The following BCL3 variants were observed in gnomAD, a reference collection of about 807,000 sequenced individuals.
The protein encoded by BCL3 is BCL3 transcription coactivator.
Under a neutral mutation model 35.7 loss-of-function variants are expected in BCL3, and 15 were observed. That is an observed-to-expected ratio of 0.42 (90% CI 0.28 to 0.65). BCL3 has a LOEUF of 0.65. Ranked by LOEUF, BCL3 falls within the 30% of genes least tolerant of loss-of-function variation. The pLI, the probability that BCL3 is intolerant of heterozygous loss-of-function variation, is 0.22. For missense variants in BCL3, 565 were observed against 641.7 expected (o/e 0.88, Z 1.29); for synonymous variants, 311 against 284.3 (o/e 1.09, Z -0.95).
chr19:44,749,056 C>A lies in BCL3; in HGVS notation c.256+10C>A. 1 of 1,303,764 alleles carries A rather than the reference C, an allele frequency of 7.7e-7. No homozygotes were observed. The allele number at this position is 1,303,764 out of a possible 1,614,324, so 80.8% of individuals were successfully genotyped here. A position where few individuals can be genotyped will look rare whatever the true frequency, so the allele number is the denominator to read the frequency against. ...GCGCTTTACTACCCCGGTGAGTGGC[C>A]CCCGAGGGTCCGGGCCGGGTGGGAT... On this transcript the variant is annotated intron_variant, in intron 1 of 8. Coordinates refer to ENST00000164227, the MANE Select transcript of BCL3 (RefSeq NM_005178.5).
rs1967349853 is a variant in BCL3, at chr19:44,758,708, G to A, written c.1060-16G>A. The A allele has an allele frequency of 1.9e-6, 3 of 1,577,628 alleles. No homozygotes were observed. Among genetic ancestry groups the A allele is most frequent in the Non-Finnish European group, 2.6e-6 (3 of 1,161,070 alleles). ...GAGGCATGGGTGGCTCTATGGTCAC[G>A]CCCATCTTCCTACAGGTCATCGACA... is the stretch of plus-strand genomic sequence containing the variant. On this transcript the variant is annotated splice_polypyrimidine_tract_variant and intron_variant, in intron 7 of 8. Transcript: ENST00000164227.
chr19:44,750,289 G>GTTTGTTTGTT (rs1555776144), intron 1 of BCL3, among the ~76,000 whole-genome samples: 1 of 151,768 alleles, frequency 6.6e-6, no homozygotes, highest in Non-Finnish European at 1.5e-5. Context: ...CCTCGCCTTT[G>GTTTGTTTGTT]TTTGTTTTTG....
intron 3 of BCL3, among the ~76,000 whole-genome samples, 176 bp downstream of exon 3, chr19:44,756,516 G>T (rs1192989323): frequency 1.1e-4 from 16 of 149,544 alleles, no homozygotes; most frequent in African/African-American, 4.0e-4. Context: ...AGGGCTGCGG[G>T]CCTGGGATCC....
At position 44,757,227 on chromosome 19, in the gene BCL3, C is replaced by A; in HGVS notation, c.724+6C>A. 6.5e-7 allele frequency: 1 copy of A among 1,549,506 alleles called. No homozygotes were observed. Among genetic ancestry groups the A allele is most frequent in the Non-Finnish European group, 8.8e-7 (1 of 1,142,822 alleles). ...GGAGGCCCGCAATTATGACGGTAAG[C>A]ATTTACCGCGGGGCACCGCTGGGCT... On this transcript the variant is annotated splice_donor_region_variant and intron_variant, in intron 4 of 8. Transcript: ENST00000164227. This position sits in a 1 kb window ranked among gnomAD's most constrained non-coding sequence, Gnocchi z 8.4.
At chr19:44,758,584 CA>C in intron 7 of BCL3, 139 bp from the exon 8 acceptor site, 1 of 1,257,754 alleles carries the variant, frequency 8.0e-7, no homozygotes, top group South Asian at 1.4e-5. Flanking sequence ...GAGAGACTGG[CA>C]CCAAGAAAAA....
chr19:44,756,529 G>C (rs898497009), intron 3 of BCL3, among the ~76,000 whole-genome samples, 189 bp downstream of exon 3: 13 of 148,180 alleles, frequency 8.8e-5, no homozygotes, highest in Non-Finnish European at 1.5e-4. Context: ...TGGGATCCGG[G>C]GTCTGATGGA....
At chr19:44,747,863 C>A, upstream of BCL3, 2 of 1,147,258 alleles carry the variant, frequency 1.7e-6, no homozygotes, top group Non-Finnish European at 2.2e-6. Context: ...CACCCCGGTG[C>A]CCCGCGGGCC....
chr19:44,758,828 C>T lies in BCL3; in HGVS notation c.1164C>T (p.Arg388=), dbSNP rs1482717084. 5 of 1,599,414 alleles carry T rather than the reference C, an allele frequency of 3.1e-6. No homozygotes were observed. The highest frequency in any genetic ancestry group is 4.3e-6 in the Non-Finnish European group (5 of 1,174,194). The change falls in exon 8 of 9, where the codon CGC becomes CGT. Residue 388 remains arginine (R), a synonymous_variant. Coordinates refer to ENST00000164227, the MANE Select transcript of BCL3 (RefSeq NM_005178.5). The part of the protein sequence containing the change: ...SANTSPESSS[R]LSSNGLLSAS... ...ACACCTCCCCCGAGAGCAGCAGCCG[C>T]CTCAGCTCCAATGGTGAGAAACCGT...
intron 2 of BCL3, among the ~76,000 whole-genome samples, chr19:44,754,705 G>A (rs1568544564): frequency 6.6e-6 from 1 of 152,184 alleles, no homozygotes; most frequent in Non-Finnish European, 1.5e-5. Context: ...AGAGAAGGGG[G>A]GACCCTTCCC....
chr19:44,749,445 C>G (rs1455141067), intron 1 of BCL3, among the ~76,000 whole-genome samples: 1 of 143,340 alleles, frequency 7.0e-6, no homozygotes, highest in Non-Finnish European at 1.6e-5. Flanking sequence ...AACTGGGGTT[C>G]CCTGTATCCT....
chr19:44,756,691 C>T (rs1322615002), intron 3 of BCL3, among the ~76,000 whole-genome samples: 2 of 151,198 alleles, frequency 1.3e-5, no homozygotes, highest in African/African-American at 2.4e-5. Context: ...GCTCCAGGCT[C>T]CTGGTTCCTG....
At chr19:44,758,459 G>T in intron 7 of BCL3, 46 bp downstream of exon 7, 2 of 1,513,864 alleles carry the variant, frequency 1.3e-6, no homozygotes, top group Non-Finnish European at 1.8e-6. Flanking sequence ...ACGTGTGTCC[G>T]CGGGCTGGTT....
chr19:44,749,512 A>G (rs747377430), intron 1 of BCL3, among the ~76,000 whole-genome samples: 1 of 152,114 alleles, frequency 6.6e-6, no homozygotes, highest in Non-Finnish European at 1.5e-5. Flanking sequence ...CTAAGGAGAC[A>G]GATACTGAGG....
In BCL3 at chr19:44,749,041, A is replaced by G; in HGVS notation, c.251A>G (p.Tyr84Cys). ...CTGGCCCGGCCGGAGGCGCTTTACT[A>G]CCCCGGTGAGTGGCCCCCGAGGGTC... ...HGLARPEALY[Y>C]PGALLPLYPT... Residue 84 changes from tyrosine to cysteine, a missense_variant, in exon 1 of 9, where the codon TAC becomes TGC. Tyr to Cys is a radical substitution (Grantham distance 194). This residue lies in a region of BCL3 where 267 missense variants were observed against 281.5 expected (regional missense o/e 0.95). Transcript: ENST00000164227. 1 of 1,338,458 alleles carries G rather than the reference A, an allele frequency of 7.5e-7. No individual in the cohort carries two copies. The highest frequency in any genetic ancestry group is 9.5e-7 in the Non-Finnish European group (1 of 1,047,382). The allele number at this position is 1,338,458 out of a possible 1,614,324, so 82.9% of individuals were successfully genotyped here.
chr19:44,756,297 A>G lies in BCL3; in HGVS notation c.476A>G (p.Gln159Arg). 1.3e-6 allele frequency: 2 copies of G among 1,549,608 alleles called. No homozygotes were observed. Among genetic ancestry groups the G allele is most frequent in the Non-Finnish European group, 1.7e-6 (2 of 1,143,922 alleles). ...GTGCACCGGCTGGTCAACCTCTTCC[A>G]GCAGGGGGGCCGGGAGCTCGACATC... Reference protein sequence around the residue: ...PAVHRLVNLFQQGGRELDIYN... With the variant: ...PAVHRLVNLFRQGGRELDIYN... Residue 159 changes from glutamine (Q) to arginine (R), a missense_variant, in exon 3 of 9, where the codon CAG becomes CGG. By Grantham distance (43) the Gln-to-Arg change is conservative. Coordinates refer to ENST00000164227, the MANE Select transcript of BCL3 (RefSeq NM_005178.5).
At chr19:44,748,639 C>G (rs1462433120), upstream of BCL3, 2 of 962,462 alleles carry the variant, frequency 2.1e-6, no homozygotes, top group Non-Finnish European at 2.5e-6. Flanking sequence ...CCCGGGGGGG[C>G]CGGGGGCGGG....
chr19:44,748,677 C>T (rs1230144313), upstream of BCL3: 3 of 1,041,900 alleles, frequency 2.9e-6, no homozygotes, highest in Non-Finnish European at 3.5e-6. Context: ...CCGCCCCGGC[C>T]GACAAAAGTC....
chr19:44,757,176 A>C lies in BCL3; in HGVS notation c.679A>C (p.Ser227Arg). The change falls in exon 4 of 9, where the codon AGC becomes CGC. Residue 227 changes from serine (S) to arginine (R), a missense_variant. This residue lies in a region of BCL3 where 103 missense variants were observed against 106.7 expected (regional missense o/e 0.97). Transcript: ENST00000164227. The surrounding 1 kb of genome is among the most constrained non-coding windows in gnomAD (Gnocchi z 8.4). Reference sequence around the variant, plus strand: ...GACCTGCCTGCGAGCCCTGCTGGACAGCGCAGCTCCGGGCACGTTGGACCT... The same window carrying C: ...GACCTGCCTGCGAGCCCTGCTGGACCGCGCAGCTCCGGGCACGTTGGACCT... Reference protein sequence around the residue: ...SPTCLRALLDSAAPGTLDLEA... With the variant: ...SPTCLRALLDRAAPGTLDLEA... 1.3e-6 allele frequency: 2 copies of C among 1,576,398 alleles called. No individual in the cohort carries two copies. The highest frequency in any genetic ancestry group is 1.1e-5 in the South Asian group (1 of 87,512).
intron 8 of BCL3, among the ~76,000 whole-genome samples, chr19:44,759,217 C>T (rs1179002039): frequency 1.4e-5 from 2 of 147,162 alleles, no homozygotes; most frequent in Non-Finnish European, 3.0e-5. Flanking sequence ...TCCTTCTGAC[C>T]CCCGGCCCCT....
Sources: allele counts gnomAD v4.1 joint callset (sites outside exome capture counted in the v4.1 genomes callset), GRCh38; gene constraint gnomAD v4.1.1; regional missense constraint gnomAD v4.1.1; non-coding constraint Gnocchi (gnomAD v3.1); transcripts MANE v1.5; gene names NCBI Gene and HGNC (gene_info 2026-07-23, HGNC 2026-07-21).